SLC41A2: variants seen among roughly 807,000 people sequenced by gnomAD.
SLC41A2 encodes SLC41A1-like 1.
Under a neutral mutation model 58.3 loss-of-function variants are expected in SLC41A2, and 32 were observed. The observed-to-expected ratio is 0.55, with a 90% confidence interval of 0.41 to 0.74. SLC41A2 has a LOEUF of 0.74. Among genes scored for constraint, SLC41A2 ranks in the 30% least tolerant of loss-of-function variants. The pLI, the probability that SLC41A2 is intolerant of heterozygous loss-of-function variation, is 0.00. For synonymous variants in SLC41A2, 190 were observed against 235.0 expected (o/e 0.81, Z 1.75); for missense variants, 514 against 680.6 (o/e 0.76, Z 2.72).
intron 1 of SLC41A2, among the ~76,000 whole-genome samples, chr12:104,957,173 C>G (rs1199702860): frequency 7.3e-6 from 1 of 136,416 alleles, no homozygotes; most frequent in Non-Finnish European, 1.7e-5. Context: ...ATGTGGTACA[C>G]TGATACAACA....
At chr12:104,834,791 A>C (rs1012121739) in intron 10 of SLC41A2, among the ~76,000 whole-genome samples, 1 of 152,192 alleles carries the variant, frequency 6.6e-6, no homozygotes, top group Non-Finnish European at 1.5e-5. Flanking sequence ...TTTATATGCA[A>C]AGAAAATAAG....
intron 8 of SLC41A2, among the ~76,000 whole-genome samples, chr12:104,848,483 TA>T (rs1442813264): frequency 2.0e-5 from 3 of 151,062 alleles, no homozygotes; most frequent in African/African-American, 7.3e-5. Flanking sequence ...AAATAGAAAA[TA>T]AAAACAGCAG....
chr12:104,889,279 G>C (rs1565876774), intron 4 of SLC41A2, 102 bp from the exon 5 acceptor site: 1 of 1,203,244 alleles, frequency 8.3e-7, no homozygotes, highest in East Asian at 2.6e-5. Context: ...AAAAAGTATT[G>C]CATGTAATAA....
intron 10 of SLC41A2, among the ~76,000 whole-genome samples, chr12:104,840,194 T>C (rs1221199053): frequency 6.6e-6 from 1 of 152,212 alleles, no homozygotes; most frequent in Non-Finnish European, 1.5e-5. Context: ...TGGAATCCCA[T>C]ATTATGCTTT....
chr12:104,816,263 T>C, intron 10 of SLC41A2, among the ~76,000 whole-genome samples: 1 of 152,102 alleles, frequency 6.6e-6, no homozygotes, highest in Non-Finnish European at 1.5e-5. Flanking sequence ...AAGACCAAGA[T>C]GAAACTTCCA....
chr12:104,956,999 C>A (rs1028342619), intron 1 of SLC41A2, among the ~76,000 whole-genome samples: 1 of 152,146 alleles, frequency 6.6e-6, no homozygotes, highest in Non-Finnish European at 1.5e-5. Flanking sequence ...CTTGGCAGTT[C>A]CTCAAAAAGT....
rs1555202443 is a variant in SLC41A2, at chr12:104,853,911, A to ATTTTTTTTTTTTTTT, written c.1255+7365_1255+7379dup. Among the ~76,000 whole-genome samples, 29 of 59,484 alleles carry ATTTTTTTTTTTTTTT rather than the reference A, an allele frequency of 4.9e-4. 1 individual carries two copies. Among genetic ancestry groups the ATTTTTTTTTTTTTTT allele is most frequent in the African/African-American group, 1.6e-3 (23 of 14,472 alleles). 39.0% of individuals were successfully genotyped at this position (59,484 alleles called of 152,430 possible). A position where few individuals can be genotyped will look rare whatever the true frequency, so the allele number is the denominator to read the frequency against. ...GGGTGCATGTCACCATGCCTGGCTG[A>ATTTTTTTTTTTTTTT]TTTTTTTTTTTTTTTTTTTTTTTTT... On this transcript the variant is annotated intron_variant, in intron 8 of 10. Transcript: ENST00000258538.
At position 104,801,904 on chromosome 12, in the gene SLC41A2, T is replaced by C. The variant is rs1424348575; in HGVS notation, c.*3248A>G. 6.6e-6 allele frequency among the ~76,000 whole-genome samples: 1 copy of C among 152,218 alleles called. No individual in the cohort carries two copies. The highest frequency in any genetic ancestry group is 2.4e-5 in the African/African-American group (1 of 41,462). On this transcript the variant is annotated 3_prime_UTR_variant, in exon 11 of 11. Transcript: ENST00000258538. ...TCCACACTGGCTTGATGTTCTCTAGTTCATCAAGAAGTAAGCATAACAAGA... is the reference window on the plus strand; with the variant it reads ...TCCACACTGGCTTGATGTTCTCTAGCTCATCAAGAAGTAAGCATAACAAGA...
chr12:104,896,998 ACT>A (rs1401894318), intron 3 of SLC41A2, among the ~76,000 whole-genome samples: 2 of 152,104 alleles, frequency 1.3e-5, no homozygotes, highest in Non-Finnish European at 2.9e-5. Context: ...AGGTGGCTTC[ACT>A]GAGTTTCCTA....
chr12:104,820,286 T>C (rs1326956589), intron 10 of SLC41A2, among the ~76,000 whole-genome samples: 1 of 152,166 alleles, frequency 6.6e-6, no homozygotes, highest in Non-Finnish European at 1.5e-5. Context: ...GGCAACATGA[T>C]GAGACCCTGT....
intron 4 of SLC41A2, among the ~76,000 whole-genome samples, chr12:104,893,383 G>C (rs1235433014): frequency 6.6e-6 from 1 of 152,148 alleles, no homozygotes; most frequent in Non-Finnish European, 1.5e-5. Flanking sequence ...TGGAGAAAAG[G>C]GAACCCTCGT....
chr12:104,844,572 C>T lies in SLC41A2; in HGVS notation c.1436G>A (p.Gly479Glu), dbSNP rs761800950. The T allele has an allele frequency of 1.3e-6, 2 of 1,567,210 alleles. No individual in the cohort carries two copies. The highest frequency in any genetic ancestry group is 1.9e-5 in the Admixed American group (1 of 54,026). ...AQVLLLLVIPGHLIFLYTIHL... is the reference protein window; with the variant it reads ...AQVLLLLVIPEHLIFLYTIHL... ...AATAGTGTAGAGGAAAATTAAATGTCCAGGAATCACTAAAAGCAGTAGAAC... is the reference window on the plus strand; with the variant it reads ...AATAGTGTAGAGGAAAATTAAATGTTCAGGAATCACTAAAAGCAGTAGAAC... The change falls in exon 10 of 11, where the codon GGA becomes GAA. Residue 479 changes from glycine to glutamate, a missense_variant. By Grantham distance (98) the Gly-to-Glu change is moderately conservative (BLOSUM62 -2). Around this residue, in one of 3 missense-constraint regions of SLC41A2, gnomAD observed 128 missense variants for 146.0 expected, o/e 0.88. Coordinates refer to ENST00000258538, the MANE Select transcript of SLC41A2 (RefSeq NM_001352171.3).
At chr12:104,920,748 C>A (rs1402201909) in intron 2 of SLC41A2, among the ~76,000 whole-genome samples, 1 of 151,752 alleles carries the variant, frequency 6.6e-6, no homozygotes, top group Non-Finnish European at 1.5e-5. Context: ...CACAGTGAAA[C>A]CCCATCTCTA....
At chr12:104,920,438 A>G (rs763358742) in intron 2 of SLC41A2, among the ~76,000 whole-genome samples, 31 of 152,094 alleles carry the variant, frequency 2.0e-4, no homozygotes, top group Middle Eastern at 3.4e-3. Context: ...AATAAAAATA[A>G]AAGAAAACAA....
At chr12:104,865,022 T>A (rs1010774372) in intron 7 of SLC41A2, among the ~76,000 whole-genome samples, 1 of 152,112 alleles carries the variant, frequency 6.6e-6, no homozygotes, top group South Asian at 2.1e-4. Context: ...GAACTCTCTG[T>A]GTACATGGGC....
intron 5 of SLC41A2, among the ~76,000 whole-genome samples, chr12:104,887,609 T>G (rs2044736153): frequency 6.6e-6 from 1 of 152,030 alleles, no homozygotes; most frequent in African/African-American, 2.4e-5. Context: ...AGGCAAGATG[T>G]AATCGCTTAG....
intron 6 of SLC41A2, among the ~76,000 whole-genome samples, chr12:104,881,325 G>C (rs1412608020): frequency 6.6e-6 from 1 of 152,082 alleles, no homozygotes; most frequent in Admixed American, 6.5e-5. Flanking sequence ...CTTCAGTTCT[G>C]CTCTGATCTT....
chr12:104,927,576 C>T (rs538872438), intron 2 of SLC41A2, among the ~76,000 whole-genome samples: 4 of 152,092 alleles, frequency 2.6e-5, no homozygotes, highest in East Asian at 1.9e-4. Flanking sequence ...AGTTTTGATT[C>T]GGAGATAAGG....
At chr12:104,919,914 C>A (rs1005073221) in intron 2 of SLC41A2, among the ~76,000 whole-genome samples, 1 of 152,032 alleles carries the variant, frequency 6.6e-6, no homozygotes. Context: ...CTGAGATTTT[C>A]TCCTGTTTTT....
Sources: allele counts gnomAD v4.1 joint callset (sites outside exome capture counted in the v4.1 genomes callset), GRCh38; gene constraint gnomAD v4.1.1; regional missense constraint gnomAD v4.1.1; transcripts MANE v1.5; gene names NCBI Gene and HGNC (gene_info 2026-07-23, HGNC 2026-07-21).